Variants in ERICH5 observed in about 807,000 individuals in gnomAD.
The protein encoded by ERICH5 is glutamate-rich protein 5.
Under a neutral mutation model 28.0 loss-of-function variants are expected in ERICH5, and 24 were observed. The ratio of observed to expected loss-of-function variants is 0.86; its 90% confidence interval spans 0.62 to 1.21. The LOEUF is 1.21. ERICH5 is among the 50% of genes most tolerant of loss of function. The pLI, the probability that ERICH5 is intolerant of heterozygous loss-of-function variation, is 0.00. For synonymous variants in ERICH5, 163 were observed against 157.6 expected (o/e 1.03, Z -0.25); for missense variants, 421 against 441.2 (o/e 0.95, Z 0.41).
At position 98,089,184 on chromosome 8, in the gene ERICH5, G is replaced by T; in HGVS notation, c.167G>T (p.Arg56Met). The T allele has an allele frequency of 1.2e-6, 2 of 1,614,194 alleles. No individual in the cohort carries two copies. Among genetic ancestry groups the T allele is most frequent in the Non-Finnish European group, 8.5e-7 (1 of 1,180,038 alleles). Residue 56 changes from arginine to methionine, a missense_variant, in exon 2 of 3, where the codon AGG (arginine) becomes ATG (methionine). By Grantham distance (91) the Arg-to-Met change is moderately conservative. Coordinates refer to ENST00000318528, the MANE Select transcript of ERICH5 (RefSeq NM_173549.3). The stretch of plus-strand genomic sequence containing the variant: ...TCTACTGTTGATGGCAATGTACAAA[G>T]GGAAAGCCGTCCTCCCTTACAAAAG... ...RESTVDGNVQ[R>M]ESRPPLQKLK...
intron 2 of ERICH5, among the ~76,000 whole-genome samples, chr8:98,091,885 T>TTTC: frequency 1.1e-5 from 1 of 92,688 alleles, no homozygotes; most frequent in African/African-American, 4.2e-5. Flanking sequence ...TCTTTCTTTC[T>TTTC]TTCTTTCTTT....
chr8:98,080,646 C>CCTT (rs548571562), intron 1 of ERICH5, among the ~76,000 whole-genome samples: 1 of 150,744 alleles, frequency 6.6e-6, no homozygotes, highest in African/African-American at 2.4e-5. Context: ...TTCTCCTTCT[C>CCTT]CTTCTTCTTC....
intron 1 of ERICH5, among the ~76,000 whole-genome samples, chr8:98,088,140 A>G (rs191135625): frequency 9.8e-5 from 15 of 152,354 alleles, no homozygotes; most frequent in Non-Finnish European, 1.9e-4. Flanking sequence ...GCATCTTCAT[A>G]AGGTTTATGC....
chr8:98,091,901 C>CT (rs1563759589), intron 2 of ERICH5, among the ~76,000 whole-genome samples: 4 of 7,982 alleles, frequency 5.0e-4, no homozygotes, highest in Admixed American at 1.3e-3. Flanking sequence ...TCTTTCTTTC[C>CT]TTTCTTTCTT....
chr8:98,073,436 A>C (rs13249014), intron 1 of ERICH5, among the ~76,000 whole-genome samples: 13,435 of 21,080 alleles, frequency 0.64, 4,613 homozygotes, highest in African/African-American at 0.68. Context: ...CTCTCTCTAT[A>C]TATATATATA....
Position 98,089,080 on chromosome 8 carries a change from T to A in ERICH5, c.63T>A (p.Thr21=). Residue 21 remains threonine, a synonymous_variant, in exon 2 of 3, where the codon ACT becomes ACA. Coordinates refer to ENST00000318528, the MANE Select transcript of ERICH5 (RefSeq NM_173549.3). ...AGDSSRFPSV[T]SNEHFSTAEE... is the part of the protein sequence containing the mutation. ...TTTTCAAATGAATAACCAAAGTAAC[T>A]TCAAATGAGCATTTTTCAACTGCAG... is the stretch of plus-strand genomic sequence containing the variant. The A allele has an allele frequency of 6.3e-7, 1 of 1,598,198 alleles. No homozygotes were observed. The highest frequency in any genetic ancestry group is 8.5e-7 in the Non-Finnish European group (1 of 1,173,850).
At chr8:98,067,991 A>G (rs1814849897) in intron 1 of ERICH5, among the ~76,000 whole-genome samples, 1 of 151,870 alleles carries the variant, frequency 6.6e-6, no homozygotes, top group East Asian at 1.9e-4. Flanking sequence ...ATATAGTATA[A>G]TGTGTTATAC....
chr8:98,087,168 G>A (rs761492524), intron 1 of ERICH5, among the ~76,000 whole-genome samples: 4 of 152,010 alleles, frequency 2.6e-5, no homozygotes, highest in Middle Eastern at 3.2e-3. Flanking sequence ...CTCGAACCAC[G>A]TGGGACCACA....
At position 98,075,785 on chromosome 8, in the gene ERICH5, C is replaced by CTTTTTTTTTTTTTTTT. The variant is rs1296283210; in HGVS notation, c.58+11062_58+11077dup. On this transcript the variant is annotated intron_variant, in intron 1 of 2. Transcript: ENST00000318528. ...TAACTCCCATCTCAAGCACACCTGC[C>CTTTTTTTTTTTTTTTT]TTTTTTTTTTTTTTTTTTTGAGACA... 4.2e-3 allele frequency among the ~76,000 whole-genome samples: 343 copies of CTTTTTTTTTTTTTTTT among 81,592 alleles called. 73 individuals are homozygous for CTTTTTTTTTTTTTTTT. The highest frequency in any genetic ancestry group is 8.8e-3 in the East Asian group (20 of 2,272). 53.5% of individuals were successfully genotyped at this position (81,592 alleles called of 152,430 possible).
intron 1 of ERICH5, among the ~76,000 whole-genome samples, chr8:98,071,535 A>T (rs1343994674): frequency 6.6e-6 from 1 of 151,888 alleles, no homozygotes; most frequent in Non-Finnish European, 1.5e-5. Flanking sequence ...CTGGAGTGCA[A>T]TGGTGCAATC....
Position 98,064,711 on chromosome 8 carries a change from CAGCAGGTTCCCCAGCGGTG to C in ERICH5, c.49_58+9del. The C allele has an allele frequency of 6.5e-7, 1 of 1,534,276 alleles. No individual in the cohort carries two copies. Among genetic ancestry groups the C allele is most frequent in the East Asian group, 2.4e-5 (1 of 40,834 alleles). ...GCGCCCTCAACAAGGCCGGCGACAG[CAGCAGGTTCCCCAGCGGTG>C]AGCAGGGTACCGGCGCCGCCCGCGC... On this transcript the variant is annotated splice_donor_variant and splice_donor_region_variant and coding_sequence_variant and intron_variant, in exon 1 of 3. Coordinates refer to ENST00000318528, the MANE Select transcript of ERICH5 (RefSeq NM_173549.3). LOFTEE classifies it high-confidence loss of function.
intron 1 of ERICH5, among the ~76,000 whole-genome samples, chr8:98,086,613 A>G (rs1264233191): frequency 6.6e-6 from 1 of 152,198 alleles, no homozygotes; most frequent in Middle Eastern, 3.2e-3. Context: ...AATCCAAATT[A>G]CAACATTAGT....
intron 1 of ERICH5, among the ~76,000 whole-genome samples, chr8:98,072,231 C>T (rs1814931572): frequency 6.6e-6 from 1 of 152,188 alleles, no homozygotes; most frequent in Admixed American, 6.5e-5. Context: ...TTTAGGGCAG[C>T]CAGGTGGGAT....
intron 1 of ERICH5, among the ~76,000 whole-genome samples, chr8:98,068,350 G>A (rs773192192): frequency 2.0e-5 from 3 of 152,194 alleles, no homozygotes; most frequent in Non-Finnish European, 2.9e-5. Flanking sequence ...CAGAGGTGAA[G>A]ACTCTGATTG....
chr8:98,071,263 G>T (rs1243816107), intron 1 of ERICH5, among the ~76,000 whole-genome samples: 1 of 152,040 alleles, frequency 6.6e-6, no homozygotes, highest in Non-Finnish European at 1.5e-5. Context: ...GGTGACAAGA[G>T]CAAAACTCCC....
chr8:98,070,937 A>G (rs1202523812), intron 1 of ERICH5, among the ~76,000 whole-genome samples: 1 of 152,088 alleles, frequency 6.6e-6, no homozygotes, highest in African/African-American at 2.4e-5. Flanking sequence ...AAAGGTTAGC[A>G]CTGTAAAACA....
chr8:98,085,295 G>A (rs1361624114), intron 1 of ERICH5, among the ~76,000 whole-genome samples: 1 of 151,180 alleles, frequency 6.6e-6, no homozygotes, highest in Non-Finnish European at 1.5e-5. Context: ...CGAGTAGCTG[G>A]GACTGCAGGC....
At chr8:98,080,922 C>G (rs780276703) in intron 1 of ERICH5, among the ~76,000 whole-genome samples, 38 of 151,982 alleles carry the variant, frequency 2.5e-4, no homozygotes, top group Admixed American at 5.3e-4. Flanking sequence ...CCAGGCTGGT[C>G]GAACTCTTGA....
intron 1 of ERICH5, among the ~76,000 whole-genome samples, chr8:98,079,625 C>T (rs749881633): frequency 5.3e-5 from 8 of 152,084 alleles, no homozygotes; most frequent in Non-Finnish European, 8.8e-5. Flanking sequence ...CTGCAACCTC[C>T]GCCTCCTGGG....
Sources: gnomAD v4.1 joint callset for allele counts (sites outside exome capture counted in the v4.1 genomes callset) on GRCh38, gnomAD v4.1.1 for gene constraint, MANE v1.5 for transcripts, NCBI Gene and HGNC (gene_info 2026-07-23, HGNC 2026-07-21) for gene names.